DOCK10: variants seen among roughly 807,000 people sequenced by gnomAD.
The protein encoded by DOCK10 is dedicator of cytokinesis 10.
Under a neutral mutation model 280.1 loss-of-function variants are expected in DOCK10, and 145 were observed. The observed-to-expected ratio is 0.52, with a 90% confidence interval of 0.45 to 0.59. The LOEUF (loss-of-function observed/expected upper bound fraction) is 0.59. Among genes scored for constraint, DOCK10 ranks in the 20% least tolerant of loss-of-function variants. The pLI, the probability that DOCK10 is intolerant of heterozygous loss-of-function variation, is 0.00. For missense variants in DOCK10, 2,368 were observed against 2,651.7 expected, an observed-to-expected ratio of 0.89 and a Z score of 2.35; for synonymous variants, 915 against 942.2, an observed-to-expected ratio of 0.97 and a Z score of 0.53.
In DOCK10 at chr2:224,797,826, C is replaced by G; in HGVS notation, c.4644+6G>C. 6.2e-7 allele frequency: 1 copy of G among 1,612,286 alleles called. No homozygotes were observed. Among genetic ancestry groups the G allele is most frequent in the South Asian group, 1.1e-5 (1 of 90,880 alleles). ...CTAAACTTCATTGAAACCTGGAGATCCTTACCTTGCATACAAACAGTCTCA... is the reference window on the plus strand; with the variant it reads ...CTAAACTTCATTGAAACCTGGAGATGCTTACCTTGCATACAAACAGTCTCA... On this transcript the variant is annotated splice_donor_region_variant and intron_variant, in intron 42 of 55. Transcript: ENST00000258390.
chr2:224,980,370 T>C (rs374683418), intron 1 of DOCK10, among the ~76,000 whole-genome samples: 31 of 150,328 alleles, frequency 2.1e-4, no homozygotes, highest in African/African-American at 6.8e-4. Context: ...TTGGCTAAAG[T>C]TTGTAGACTA....
At chr2:225,008,670 A>G (rs59230078) in intron 1 of DOCK10, among the ~76,000 whole-genome samples, 235 of 152,266 alleles carry the variant, frequency 1.5e-3, no homozygotes, top group African/African-American at 5.2e-3. Context: ...TGGGATTGTG[A>G]AAAAAATATT....
intron 1 of DOCK10, among the ~76,000 whole-genome samples, chr2:224,959,437 C>CT (rs55894832): frequency 1.6e-3 from 228 of 142,362 alleles, no homozygotes; most frequent in Middle Eastern, 7.0e-3. Context: ...TTATTATTTT[C>CT]TTTTTTTTTT....
intron 25 of DOCK10, 132 bp downstream of exon 25, chr2:224,837,630 C>T (rs545252169): frequency 2.9e-6 from 2 of 686,284 alleles, no homozygotes; most frequent in African/African-American, 3.6e-5. Context: ...GTAGCTAAGG[C>T]AAATTCCTGA....
intron 7 of DOCK10, among the ~76,000 whole-genome samples, chr2:224,877,877 T>C (rs1056696686): frequency 6.6e-6 from 1 of 152,352 alleles, no homozygotes; most frequent in African/African-American, 2.4e-5. Context: ...TTACTGAAGA[T>C]ACTTCATCTT....
intron 39 of DOCK10, 66 bp downstream of exon 39, chr2:224,804,044 CAT>C (rs761889966): frequency 1.5e-5 from 12 of 809,004 alleles, no homozygotes; most frequent in Admixed American, 4.4e-5. Context: ...CTACCCCTGA[CAT>C]GTGCATATAC....
At chr2:224,922,870 G>T (rs1701845897) in intron 2 of DOCK10, among the ~76,000 whole-genome samples, 1 of 152,178 alleles carries the variant, frequency 6.6e-6, no homozygotes, top group Non-Finnish European at 1.5e-5. Context: ...TAATCAATCA[G>T]TCTAAGCTTG....
chr2:224,911,377 C>A (rs975659930), intron 3 of DOCK10, among the ~76,000 whole-genome samples: 3 of 152,164 alleles, frequency 2.0e-5, no homozygotes, highest in Non-Finnish European at 4.4e-5. Context: ...GAGGTAGAAG[C>A]TCTTGAAGCA....
chr2:225,011,541 T>C (rs1441710804), intron 1 of DOCK10, among the ~76,000 whole-genome samples: 1 of 152,246 alleles, frequency 6.6e-6, no homozygotes, highest in Non-Finnish European at 1.5e-5. Context: ...CATGGCTTTC[T>C]TATAAAATGT....
chr2:224,908,851 C>G (rs1265122458), intron 3 of DOCK10, among the ~76,000 whole-genome samples: 1 of 152,160 alleles, frequency 6.6e-6, no homozygotes, highest in Non-Finnish European at 1.5e-5. Flanking sequence ...AGTTTTATGC[C>G]ATGATCAAAA....
At chr2:224,887,615 T>C (rs1352234632) in intron 4 of DOCK10, among the ~76,000 whole-genome samples, 1 of 152,208 alleles carries the variant, frequency 6.6e-6, no homozygotes, top group African/African-American at 2.4e-5. Flanking sequence ...CCCTTTACTA[T>C]ATAAACTCCC....
intron 1 of DOCK10, among the ~76,000 whole-genome samples, chr2:224,933,468 A>G (rs1425030667): frequency 6.6e-6 from 1 of 152,194 alleles, no homozygotes; most frequent in East Asian, 1.9e-4. Context: ...ACCCTGCAGC[A>G]TATTACTTTT....
At chr2:224,828,577 G>A (rs1236241578) in intron 27 of DOCK10, among the ~76,000 whole-genome samples, 3 of 152,140 alleles carry the variant, frequency 2.0e-5, no homozygotes, top group African/African-American at 7.2e-5. Context: ...GAAGGTGCTG[G>A]GGACCAATAT....
intron 1 of DOCK10, among the ~76,000 whole-genome samples, chr2:224,965,009 C>G (rs1480021320): frequency 6.6e-6 from 1 of 152,144 alleles, no homozygotes; most frequent in Non-Finnish European, 1.5e-5. Context: ...GTCAATACCA[C>G]TATATCAAAT....
chr2:225,028,265 CCAT>C (rs1575174133), intron 1 of DOCK10, among the ~76,000 whole-genome samples: 1 of 152,050 alleles, frequency 6.6e-6, no homozygotes, highest in South Asian at 2.1e-4. Context: ...AGAACTTGAG[CCAT>C]CACCACTGGC....
intron 1 of DOCK10, among the ~76,000 whole-genome samples, chr2:224,946,596 A>G (rs994365638): frequency 1.3e-5 from 2 of 152,206 alleles, no homozygotes; most frequent in East Asian, 1.9e-4. Flanking sequence ...TCCAAATATT[A>G]TAGTAATGTT....
chr2:224,973,669 G>A (rs1031078266), intron 1 of DOCK10, among the ~76,000 whole-genome samples: 5 of 152,152 alleles, frequency 3.3e-5, no homozygotes, highest in East Asian at 1.9e-4. Context: ...AAGACAATAT[G>A]TGTGTTGTTT....
At chr2:224,887,262 G>A (rs1699361412) in intron 4 of DOCK10, among the ~76,000 whole-genome samples, 1 of 152,128 alleles carries the variant, frequency 6.6e-6, no homozygotes, top group African/African-American at 2.4e-5. Context: ...GTCACTGGAA[G>A]AGCCCCAGCC....
chr2:224,829,562 G>A (rs942596213), intron 27 of DOCK10, among the ~76,000 whole-genome samples: 25 of 152,336 alleles, frequency 1.6e-4, no homozygotes, highest in Middle Eastern at 3.4e-3. Context: ...CACAATGGGG[G>A]CTCAGAGAAA....
Sources: allele counts gnomAD v4.1 joint callset (sites outside exome capture counted in the v4.1 genomes callset), GRCh38; gene constraint gnomAD v4.1.1; transcripts MANE v1.5; gene names NCBI Gene and HGNC (gene_info 2026-07-23, HGNC 2026-07-21).